IQCK: variants seen among roughly 807,000 people sequenced by gnomAD.
IQCK encodes IQ motif containing K.
Under a neutral mutation model 28.1 loss-of-function variants are expected in IQCK, and 29 were observed. That is an observed-to-expected ratio of 1.03 (90% CI 0.77 to 1.41). IQCK has a LOEUF of 1.41. IQCK is among the 40% of genes most tolerant of loss of function. The probability of loss-of-function intolerance (pLI) is 0.00; values close to 1 mark genes in which losing one functional copy is unlikely to be tolerated. For synonymous variants in IQCK, 113 were observed against 115.1 expected (o/e 0.98, Z 0.12); for missense variants, 359 against 314.7 (o/e 1.14, Z -1.07).
At chr16:19,851,655 A>ATC (rs1486534795) in intron 9 of IQCK, among the ~76,000 whole-genome samples, 1 of 152,110 alleles carries the variant, frequency 6.6e-6, no homozygotes, top group Admixed American at 6.5e-5. Context: ...GGGCTGGCGT[A>ATC]TCTCTCTCTG....
intron 6 of IQCK, among the ~76,000 whole-genome samples, chr16:19,764,660 A>G (rs114195545): frequency 0.053 from 7,920 of 150,198 alleles, 663 homozygotes; most frequent in African/African-American, 0.18. Context: ...TGCTCTGTCT[A>G]TGGAGTAGCC....
At chr16:19,813,649 G>T (rs2141070480) in intron 7 of IQCK, among the ~76,000 whole-genome samples, 1 of 152,288 alleles carries the variant, frequency 6.6e-6, no homozygotes, top group East Asian at 1.9e-4. Context: ...ATATACTTCA[G>T]CTAGAAGGAA....
At chr16:19,737,816 G>A (rs1015611336) in intron 4 of IQCK, among the ~76,000 whole-genome samples, 17 of 151,670 alleles carry the variant, frequency 1.1e-4, no homozygotes, top group African/African-American at 3.6e-4. Flanking sequence ...CCCACCTCAC[G>A]GCCTCTGTGC....
At chr16:19,739,123 A>G (rs1324493033) in intron 4 of IQCK, among the ~76,000 whole-genome samples, 1 of 152,208 alleles carries the variant, frequency 6.6e-6, no homozygotes, top group African/African-American at 2.4e-5. Context: ...AATGCAATTC[A>G]GCTATCATGT....
chr16:19,819,335 A>C (rs1463346844), intron 7 of IQCK, among the ~76,000 whole-genome samples: 1 of 152,082 alleles, frequency 6.6e-6, no homozygotes, highest in African/African-American at 2.4e-5. Context: ...TCTACTAAAA[A>C]TACAAAAATT....
At chr16:19,763,147 CCTA>C (rs1353888901) in intron 4 of IQCK, among the ~76,000 whole-genome samples, 1 of 151,906 alleles carries the variant, frequency 6.6e-6, no homozygotes, top group African/African-American at 2.4e-5. Flanking sequence ...CTACTAATAC[CCTA>C]CTACTAATAG....
chr16:19,738,177 A>G (rs141260476), intron 4 of IQCK, among the ~76,000 whole-genome samples: 1 of 152,312 alleles, frequency 6.6e-6, no homozygotes, highest in African/African-American at 2.4e-5. Context: ...CATGGTGAAC[A>G]TAGAGTTGGC....
intron 2 of IQCK, among the ~76,000 whole-genome samples, chr16:19,733,479 G>A (rs565648413): frequency 6.6e-6 from 1 of 152,178 alleles, no homozygotes; most frequent in South Asian, 2.1e-4. Context: ...GTTTACAAAC[G>A]TCTCATCCAC....
chr16:19,762,302 G>T (rs566878672), intron 4 of IQCK, among the ~76,000 whole-genome samples: 1 of 152,340 alleles, frequency 6.6e-6, no homozygotes, highest in Admixed American at 6.5e-5. Flanking sequence ...TGTGTGCGGG[G>T]TGTCTCGTGA....
At chr16:19,721,139 A>C (rs544684529) in intron 1 of IQCK, among the ~76,000 whole-genome samples, 4 of 151,622 alleles carry the variant, frequency 2.6e-5, no homozygotes, top group African/African-American at 9.8e-5. Flanking sequence ...TTTCTATAAC[A>C]TGTAGTAAAT....
At chr16:19,816,613 C>G (rs905173229) in intron 7 of IQCK, among the ~76,000 whole-genome samples, 2 of 152,134 alleles carry the variant, frequency 1.3e-5, no homozygotes, top group African/African-American at 4.8e-5. Context: ...TGGCTAATGC[C>G]TAAAATTATA....
chr16:19,852,278 T>C (rs1279122877), intron 9 of IQCK, among the ~76,000 whole-genome samples: 2 of 152,140 alleles, frequency 1.3e-5, no homozygotes, highest in Non-Finnish European at 2.9e-5. Context: ...ATAAAACACA[T>C]ATAACAATAA....
chr16:19,764,255 A>T (rs2055195538), intron 6 of IQCK, 143 bp downstream of exon 6: 1 of 659,484 alleles, frequency 1.5e-6, no homozygotes, highest in African/African-American at 1.8e-5. Flanking sequence ...GTCTCTAGTT[A>T]TTCTTAGCCT....
chr16:19,848,135 A>T (rs1166416577), intron 9 of IQCK, among the ~76,000 whole-genome samples: 1 of 152,228 alleles, frequency 6.6e-6, no homozygotes, highest in African/African-American at 2.4e-5. Flanking sequence ...ATGCACGAGC[A>T]GTCTGCATCT....
intron 7 of IQCK, among the ~76,000 whole-genome samples, chr16:19,811,047 G>A (rs1177126079): frequency 6.6e-6 from 1 of 152,186 alleles, no homozygotes; most frequent in African/African-American, 2.4e-5. Flanking sequence ...ACTTTGGGAG[G>A]CAGAAGCTAG....
intron 9 of IQCK, among the ~76,000 whole-genome samples, chr16:19,853,539 G>C (rs1654502685): frequency 6.6e-6 from 1 of 152,154 alleles, no homozygotes; most frequent in Non-Finnish European, 1.5e-5. Context: ...GAAAACTAAA[G>C]AAAACCCAAG....
In IQCK at chr16:19,718,300, C is replaced by T. The variant is rs763520500; in HGVS notation, c.-7C>T. 2.1e-5 allele frequency: 34 copies of T among 1,601,048 alleles called. 1 individual carries two copies. Among genetic ancestry groups the T allele is most frequent in the Non-Finnish European group, 1.6e-5 (19 of 1,175,232 alleles). ...CGGCGAACGCGGTTACCGTGGAAAC[C>T]GCGGCCATGGCGGCACCGCGGCAAA... On this transcript the variant is annotated 5_prime_UTR_variant, in exon 1 of 8. Transcript: ENST00000564186.
Position 19,856,458 on chromosome 16 carries a change from T to C in IQCK, c.803-29T>C, listed in dbSNP as rs1167341864. Reference sequence around the variant, plus strand: ...AAGCCTGTCTACGTATGTAAATTGATCCTGACTTTCCCTTTCTTTTCTTTG... The same window carrying C: ...AAGCCTGTCTACGTATGTAAATTGACCCTGACTTTCCCTTTCTTTTCTTTG... On this transcript the variant is annotated intron_variant, in intron 9 of 9. Transcript: ENST00000320394. 2.5e-6 allele frequency: 4 copies of C among 1,600,164 alleles called. No homozygotes were observed. In the Admixed American group the frequency reaches 6.7e-5, roughly 27 times the overall value.
chr16:19,724,436 G>A (rs1481441779), intron 1 of IQCK, among the ~76,000 whole-genome samples: 2 of 152,092 alleles, frequency 1.3e-5, no homozygotes, highest in Non-Finnish European at 2.9e-5. Flanking sequence ...CCTGTCAAAT[G>A]TTCGTCTGAT....
Sources: allele counts gnomAD v4.1 joint callset (sites outside exome capture counted in the v4.1 genomes callset), GRCh38; gene constraint gnomAD v4.1.1; transcripts MANE v1.5; gene names NCBI Gene and HGNC (gene_info 2026-07-23, HGNC 2026-07-21).